UBE2V2: variants seen among roughly 807,000 people sequenced by gnomAD.
UBE2V2 encodes ubiquitin conjugating enzyme E2 V2.
Under a neutral mutation model 17.2 loss-of-function variants are expected in UBE2V2, and 9 were observed. The ratio of observed to expected loss-of-function variants is 0.52; its 90% CI spans 0.32 to 0.91. The LOEUF is 0.91. Ranked by LOEUF, UBE2V2 falls within the 40% of genes least tolerant of loss-of-function variation. The probability of loss-of-function intolerance (pLI) is 0.04; values close to 1 mark genes in which losing one functional copy is unlikely to be tolerated. For missense variants in UBE2V2, 133 were observed against 182.6 expected (o/e 0.73, Z 1.56); for synonymous variants, 61 against 57.5 (o/e 1.06, Z -0.28).
intron 1 of UBE2V2, among the ~76,000 whole-genome samples, chr8:48,025,258 ATTTTCTTTTC>A (rs1010322302): frequency 2.3e-5 from 3 of 130,906 alleles, no homozygotes; most frequent in Non-Finnish European, 4.9e-5. Flanking sequence ...TAAATCTGTG[ATTTTCTTTTC>A]TTTTCTTTTT....
intron 1 of UBE2V2, among the ~76,000 whole-genome samples, chr8:48,031,921 C>A (rs2091385995): frequency 6.6e-6 from 1 of 152,142 alleles, no homozygotes; most frequent in African/African-American, 2.4e-5. Context: ...GCTGGGATTG[C>A]AGGTGTGAGT....
the UBE2V2 span, among the ~76,000 whole-genome samples, chr8:47,999,553 G>T: frequency 6.6e-6 from 1 of 151,860 alleles, no homozygotes; most frequent in Non-Finnish European, 1.5e-5. Flanking sequence ...GTAGAGACGG[G>T]GTTTCACCAT....
Position 48,048,972 on chromosome 8 carries a change from G to A in UBE2V2, c.166-881G>A, listed in dbSNP as rs192468317. On this transcript the variant is annotated intron_variant, in intron 2 of 3. Coordinates refer to ENST00000523111, the MANE Select transcript of UBE2V2 (RefSeq NM_003350.3). ...TTTTCTTTTTAATCTCTTGAGTCAAGGTGAGGATTCATTTATTTTTTACTT... is the reference window on the plus strand; with the variant it reads ...TTTTCTTTTTAATCTCTTGAGTCAAAGTGAGGATTCATTTATTTTTTACTT... Among the ~76,000 whole-genome samples the A allele has an allele frequency of 2.4e-4, 36 of 151,742 alleles. No individual in the cohort carries two copies. In the East Asian group the frequency reaches 3.5e-3, roughly 15 times the overall value.
intron 1 of UBE2V2, among the ~76,000 whole-genome samples, chr8:48,025,776 AT>A (rs2154507152): frequency 6.7e-6 from 1 of 150,098 alleles, no homozygotes; most frequent in South Asian, 2.1e-4. Context: ...ATTTTTTTGT[AT>A]TTTTTGTAGA....
At chr8:48,017,887 C>T (rs1038008978) in intron 1 of UBE2V2, among the ~76,000 whole-genome samples, 1 of 150,100 alleles carries the variant, frequency 6.7e-6, no homozygotes, top group Non-Finnish European at 1.5e-5. Flanking sequence ...CAACCTGTCA[C>T]CCAGGCTGGA....
chr8:48,018,261 CA>C (rs1332532614), intron 1 of UBE2V2, among the ~76,000 whole-genome samples: 1 of 152,168 alleles, frequency 6.6e-6, no homozygotes, highest in Non-Finnish European at 1.5e-5. Context: ...TTCCTGTTTG[CA>C]GAAGACATAT....
At chr8:48,059,374 T>G (rs947053754) in intron 3 of UBE2V2, among the ~76,000 whole-genome samples, 2 of 152,040 alleles carry the variant, frequency 1.3e-5, no homozygotes, top group African/African-American at 4.8e-5. Context: ...GACACTTCGT[T>G]TCCCAGCTTG....
chr8:48,038,787 C>T (rs531763269), intron 1 of UBE2V2, among the ~76,000 whole-genome samples: 11 of 151,840 alleles, frequency 7.2e-5, no homozygotes, highest in Admixed American at 4.6e-4. Context: ...AGCCACCCAG[C>T]GAGTTTTTTG....
chr8:48,052,916 C>G (rs998735455), intron 3 of UBE2V2, among the ~76,000 whole-genome samples: 3 of 152,102 alleles, frequency 2.0e-5, no homozygotes, highest in Admixed American at 2.0e-4. Context: ...ATTCCACTTT[C>G]TTTTTTATTG....
At chr8:48,060,583 A>G (rs1802578155) in intron 3 of UBE2V2, 99 bp from the exon 4 acceptor site, 2 of 1,161,936 alleles carry the variant, frequency 1.7e-6, no homozygotes, top group Non-Finnish European at 2.3e-6. Flanking sequence ...GAGGCAAGCT[A>G]TGAATTTTCA....
intron 1 of UBE2V2, among the ~76,000 whole-genome samples, chr8:48,026,890 CCCCG>C (rs1339113541): frequency 6.6e-6 from 1 of 152,168 alleles, no homozygotes; most frequent in Non-Finnish European, 1.5e-5. Flanking sequence ...CACGTTCCAC[CCCCG>C]CCCCGCTTGA....
intron 1 of UBE2V2, among the ~76,000 whole-genome samples, chr8:48,031,700 G>C (rs2091384162): frequency 6.6e-6 from 1 of 152,094 alleles, no homozygotes; most frequent in African/African-American, 2.4e-5. Flanking sequence ...CTGTCACCCA[G>C]GCTGGAGTGC....
At chr8:48,028,836 C>G (rs1295340004) in intron 1 of UBE2V2, among the ~76,000 whole-genome samples, 1 of 152,056 alleles carries the variant, frequency 6.6e-6, no homozygotes. Flanking sequence ...GTTGAGTTAT[C>G]GGAGTTCTTT....
intron 1 of UBE2V2, among the ~76,000 whole-genome samples, chr8:48,034,682 C>T (rs1207978554): frequency 6.6e-6 from 1 of 150,888 alleles, no homozygotes; most frequent in Non-Finnish European, 1.5e-5. Flanking sequence ...TACCAATTGG[C>T]TTCTTAAGTT....
chr8:48,044,143 CTGATGATGA>C (rs549316347), intron 2 of UBE2V2, among the ~76,000 whole-genome samples: 1 of 151,234 alleles, frequency 6.6e-6, no homozygotes, highest in African/African-American at 2.4e-5. Flanking sequence ...AGAGTTCCTC[CTGATGATGA>C]TGATGATGAT....
chr8:48,022,074 G>A (rs1004863676), intron 1 of UBE2V2, among the ~76,000 whole-genome samples: 13 of 151,730 alleles, frequency 8.6e-5, no homozygotes, highest in African/African-American at 3.1e-4. Flanking sequence ...TAGCCTTGAT[G>A]GCCTAAAAAA....
At chr8:48,031,731 C>T (rs533601542) in intron 1 of UBE2V2, among the ~76,000 whole-genome samples, 29 of 152,138 alleles carry the variant, frequency 1.9e-4, no homozygotes, top group Non-Finnish European at 3.8e-4. Context: ...TCTTGGCTCA[C>T]TGCAACCTCC....
At chr8:48,056,612 G>A (rs985817982) in intron 3 of UBE2V2, among the ~76,000 whole-genome samples, 5 of 152,098 alleles carry the variant, frequency 3.3e-5, no homozygotes, top group East Asian at 3.8e-4. Context: ...GGCTGGTCTC[G>A]AACTCCTGGG....
intron 1 of UBE2V2, among the ~76,000 whole-genome samples, chr8:48,029,956 C>T (rs956695789): frequency 6.6e-6 from 1 of 152,146 alleles, no homozygotes; most frequent in African/African-American, 2.4e-5. Context: ...CCTAATTTTA[C>T]TTAGAAATTA....
Sources: allele counts gnomAD v4.1 joint callset (sites outside exome capture counted in the v4.1 genomes callset), GRCh38; gene constraint gnomAD v4.1.1; transcripts MANE v1.5; gene names NCBI Gene and HGNC (gene_info 2026-07-23, HGNC 2026-07-21).